CCSER1: variants seen among roughly 807,000 people sequenced by gnomAD.
The protein encoded by CCSER1 is serine-rich coiled-coil domain-containing protein 1.
In CCSER1, 41 loss-of-function variants were observed where a neutral mutation model predicts 82.0. That is an observed-to-expected ratio of 0.50 (90% CI 0.39 to 0.65). The LOEUF (loss-of-function observed/expected upper bound fraction) is 0.65, where lower values mean the gene tolerates loss of function less well. Among genes scored for constraint, CCSER1 ranks in the 30% least tolerant of loss-of-function variants. The pLI, the probability that CCSER1 is intolerant of heterozygous loss-of-function variation, is 0.00. For synonymous variants in CCSER1, 414 were observed against 383.9 expected, an observed-to-expected ratio of 1.08 and a Z score of -0.92; for missense variants, 1,119 against 1,064.2, an observed-to-expected ratio of 1.05 and a Z score of -0.72.
intron 8 of CCSER1, among the ~76,000 whole-genome samples, chr4:90,905,595 T>A (rs1725347468): frequency 6.6e-6 from 1 of 152,138 alleles, no homozygotes; most frequent in Admixed American, 6.6e-5. Context: ...TCCCTTTATA[T>A]CACTTACCAA....
At chr4:90,228,028 T>C (rs1186587414) in intron 1 of CCSER1, among the ~76,000 whole-genome samples, 1 of 152,072 alleles carries the variant, frequency 6.6e-6, no homozygotes, top group African/African-American at 2.4e-5. Flanking sequence ...AACTGCAAGG[T>C]GGCAGCGAGG....
At chr4:90,815,956 TG>T in intron 8 of CCSER1, 111 bp downstream of exon 8, 2 of 619,104 alleles carry the variant, frequency 3.2e-6, no homozygotes, top group Non-Finnish European at 2.8e-6. Flanking sequence ...ATCCTTCCAG[TG>T]GTTCAATCCA....
At chr4:91,304,107 A>G (rs1744870336) in intron 10 of CCSER1, among the ~76,000 whole-genome samples, 2 of 152,018 alleles carry the variant, frequency 1.3e-5, no homozygotes, top group Non-Finnish European at 2.9e-5. Flanking sequence ...TGAAGGAAAA[A>G]TTTACTAGTG....
intron 1 of CCSER1, among the ~76,000 whole-genome samples, chr4:90,155,414 C>T (rs941599808): frequency 2.0e-5 from 3 of 152,034 alleles, no homozygotes; most frequent in African/African-American, 7.3e-5. Flanking sequence ...AGGGAGGATT[C>T]CCTCTTTTTC....
At chr4:91,387,025 A>T (rs938507741) in intron 10 of CCSER1, among the ~76,000 whole-genome samples, 2 of 152,040 alleles carry the variant, frequency 1.3e-5, no homozygotes, top group African/African-American at 4.8e-5. Flanking sequence ...GAAAAACAGC[A>T]GTCTTATAAA....
At chr4:90,448,577 C>T (rs931775881) in intron 4 of CCSER1, among the ~76,000 whole-genome samples, 8 of 149,758 alleles carry the variant, frequency 5.3e-5, no homozygotes, top group East Asian at 3.9e-4. Flanking sequence ...TTGAAATCTT[C>T]GTTCATAAAT....
chr4:90,166,979 A>G (rs931556131), intron 1 of CCSER1, among the ~76,000 whole-genome samples: 3 of 152,016 alleles, frequency 2.0e-5, no homozygotes, highest in African/African-American at 4.8e-5. Context: ...GGAAGTATCA[A>G]TTTAGTGAAA....
intron 9 of CCSER1, among the ~76,000 whole-genome samples, chr4:90,983,148 T>G (rs1736272792): frequency 6.6e-6 from 1 of 151,798 alleles, no homozygotes; most frequent in African/African-American, 2.4e-5. Flanking sequence ...GTTTGGAGTA[T>G]ATTAAAATAA....
chr4:90,504,098 A>T (rs1337745308), intron 5 of CCSER1, among the ~76,000 whole-genome samples: 1 of 152,080 alleles, frequency 6.6e-6, no homozygotes, highest in Non-Finnish European at 1.5e-5. Flanking sequence ...ATTTCTTCTT[A>T]AATCGATATT....
intron 8 of CCSER1, among the ~76,000 whole-genome samples, chr4:90,840,254 T>C (rs1762414198): frequency 6.6e-6 from 1 of 152,156 alleles, no homozygotes; most frequent in African/African-American, 2.4e-5. Context: ...TGGAGAAGAA[T>C]GAGGAGAAAG....
chr4:91,165,863 A>G (rs1731995596), intron 10 of CCSER1, among the ~76,000 whole-genome samples: 1 of 152,182 alleles, frequency 6.6e-6, no homozygotes, highest in Admixed American at 6.5e-5. Flanking sequence ...CGGAAAGGGA[A>G]ATCCCCCAAC....
At chr4:90,703,746 T>C (rs555415635) in intron 6 of CCSER1, among the ~76,000 whole-genome samples, 1 of 152,336 alleles carries the variant, frequency 6.6e-6, no homozygotes, top group Admixed American at 6.5e-5. Context: ...TTTGTCTCTT[T>C]TGATCTTTGT....
At chr4:90,372,271 T>C (rs1747565498) in intron 3 of CCSER1, among the ~76,000 whole-genome samples, 1 of 152,130 alleles carries the variant, frequency 6.6e-6, no homozygotes, top group Non-Finnish European at 1.5e-5. Context: ...TCAATAAAAG[T>C]TTAAAAATGG....
At chr4:90,520,093 A>G (rs999584428) in intron 5 of CCSER1, among the ~76,000 whole-genome samples, 3 of 152,006 alleles carry the variant, frequency 2.0e-5, no homozygotes, top group Admixed American at 6.6e-5. Context: ...GTACTTATAG[A>G]TTAAAGTGAT....
chr4:90,900,395 C>G (rs1411572742), intron 8 of CCSER1, among the ~76,000 whole-genome samples: 1 of 151,934 alleles, frequency 6.6e-6, no homozygotes, highest in South Asian at 2.1e-4. Context: ...TTTTGTTTAT[C>G]CTTTTAAAGA....
intron 9 of CCSER1, among the ~76,000 whole-genome samples, chr4:90,998,953 C>T (rs746914): frequency 0.27 from 41,591 of 151,952 alleles, 6,881 homozygotes; most frequent in East Asian, 0.39. Context: ...TACCCAGTGT[C>T]TAGCTCCCAC....
At chr4:90,711,164 T>A (rs1480217655) in intron 6 of CCSER1, among the ~76,000 whole-genome samples, 2 of 152,158 alleles carry the variant, frequency 1.3e-5, no homozygotes, top group African/African-American at 4.8e-5. Context: ...TGCTAGTGAT[T>A]TTTACACATT....
At chr4:90,734,979 T>G (rs1286513319) in intron 7 of CCSER1, among the ~76,000 whole-genome samples, 1 of 152,178 alleles carries the variant, frequency 6.6e-6, no homozygotes, top group Non-Finnish European at 1.5e-5. Flanking sequence ...ATGGCTTTTA[T>G]TGTTTTGAGG....
chr4:91,550,802 ATTG>A (rs1762126211), intron 10 of CCSER1, among the ~76,000 whole-genome samples: 1 of 152,148 alleles, frequency 6.6e-6, no homozygotes, highest in African/African-American at 2.4e-5. Context: ...ATTTTGCAAT[ATTG>A]TTTTCAGTAA....
Sources: allele counts gnomAD v4.1 joint callset (sites outside exome capture counted in the v4.1 genomes callset), GRCh38; gene constraint gnomAD v4.1.1; transcripts MANE v1.5; gene names NCBI Gene and HGNC (gene_info 2026-07-23, HGNC 2026-07-21).